ESR1: variants seen among roughly 807,000 people sequenced by gnomAD.
The protein encoded by ESR1 is estrogen receptor.
ESR1 carries 12 observed loss-of-function variants against 52.7 expected under a neutral mutation model. The ratio of observed to expected loss-of-function variants is 0.23; its 90% CI spans 0.15 to 0.37. ESR1 has a LOEUF of 0.37. Ranked by LOEUF, ESR1 falls within the 10% of genes least tolerant of loss-of-function variation. The pLI, the probability that ESR1 is intolerant of heterozygous loss-of-function variation, is 1.00. For missense variants in ESR1, 584 were observed against 779.7 expected (o/e 0.75, Z 2.99); for synonymous variants, 305 against 316.8 (o/e 0.96, Z 0.39).
chr6:152,124,062 G>A (rs151203147), intron 6 of ESR1, among the ~76,000 whole-genome samples: 2,257 of 152,308 alleles, frequency 0.015, 49 homozygotes, highest in African/African-American at 0.052. Context: ...AGTGGCTCCC[G>A]CCTGTAATCC....
intron 3 of ESR1, among the ~76,000 whole-genome samples, chr6:151,887,295 A>G (rs897306224): frequency 6.6e-6 from 1 of 152,002 alleles, no homozygotes; most frequent in South Asian, 2.1e-4. Flanking sequence ...TTAAGCAGTA[A>G]TCTAATCTAT....
intron 1 of ESR1, among the ~76,000 whole-genome samples, chr6:151,669,328 A>C (rs1185293333): frequency 6.6e-6 from 1 of 151,790 alleles, no homozygotes; most frequent in Non-Finnish European, 1.5e-5. Context: ...GAAGTACAGG[A>C]GGGGTGAATT....
intron 5 of ESR1, among the ~76,000 whole-genome samples, chr6:152,058,562 T>C (rs889646380): frequency 6.6e-6 from 1 of 152,204 alleles, no homozygotes; most frequent in African/African-American, 2.4e-5. Flanking sequence ...TTTCACTTTA[T>C]TTGGGAATAG....
At chr6:151,854,448 C>T (rs1787460826) in intron 2 of ESR1, among the ~76,000 whole-genome samples, 2 of 152,206 alleles carry the variant, frequency 1.3e-5, no homozygotes, top group South Asian at 4.1e-4. Flanking sequence ...AATAAAAAGA[C>T]ATTTCAGTTT....
upstream of ESR1, chr6:151,804,537 A>G (rs933365859): frequency 6.8e-6 from 1 of 148,032 alleles, no homozygotes; most frequent in African/African-American, 2.7e-5. Context: ...TTTATTTTCA[A>G]TACTGACTAT....
intron 4 of ESR1, among the ~76,000 whole-genome samples, chr6:151,956,509 AC>A (rs2036930006): frequency 6.6e-6 from 1 of 152,044 alleles, no homozygotes; most frequent in South Asian, 2.1e-4. Context: ...CAAGCATTTT[AC>A]CCCTGTTAAC....
At chr6:151,660,993 C>A (rs1428344426) in intron 1 of ESR1, among the ~76,000 whole-genome samples, 2 of 152,078 alleles carry the variant, frequency 1.3e-5, no homozygotes, top group Non-Finnish European at 2.9e-5. Context: ...AGCTTCCCAG[C>A]TGATTCTAAT....
intron 1 of ESR1, among the ~76,000 whole-genome samples, chr6:151,838,442 T>C (rs1243838966): frequency 6.6e-6 from 1 of 152,172 alleles, no homozygotes; most frequent in East Asian, 1.9e-4. Context: ...CCCACCCTTA[T>C]GGCCCAGACA....
At chr6:152,118,155 T>C (rs1376584548) in intron 6 of ESR1, 3 of 152,176 alleles carry the variant, frequency 2.0e-5, no homozygotes, top group East Asian at 1.9e-4. Context: ...AATTTGCTCA[T>C]AGAAAATAGA....
intron 4 of ESR1, among the ~76,000 whole-genome samples, chr6:151,987,354 G>A (rs1247794588): frequency 6.6e-6 from 1 of 152,054 alleles, no homozygotes; most frequent in Non-Finnish European, 1.5e-5. Flanking sequence ...TGCCTCCTGG[G>A]TTCAAGTGAT....
chr6:151,692,458 A>G (rs1242296116), intron 1 of ESR1, among the ~76,000 whole-genome samples: 1 of 152,136 alleles, frequency 6.6e-6, no homozygotes, highest in African/African-American at 2.4e-5. Flanking sequence ...CAGATTGGCT[A>G]TTCGGAAAAA....
intron 4 of ESR1, among the ~76,000 whole-genome samples, chr6:151,992,675 G>T (rs1358186493): frequency 6.6e-6 from 1 of 152,160 alleles, no homozygotes; most frequent in Non-Finnish European, 1.5e-5. Flanking sequence ...GGATGGAAAA[G>T]TGATACGTTT....
chr6:151,661,439 A>T (rs1404604104), intron 1 of ESR1, among the ~76,000 whole-genome samples: 1 of 152,238 alleles, frequency 6.6e-6, no homozygotes, highest in African/African-American at 2.4e-5. Context: ...AAGAAGTCCT[A>T]TGTCTTGTTT....
At chr6:151,949,147 A>G (rs79326901) in intron 4 of ESR1, among the ~76,000 whole-genome samples, 2,859 of 152,170 alleles carry the variant, frequency 0.019, 82 homozygotes, top group African/African-American at 0.065. Flanking sequence ...TCCATTTCCA[A>G]TCTCTCTTTT....
At chr6:152,035,626 G>A (rs1276096928) in intron 5 of ESR1, among the ~76,000 whole-genome samples, 4 of 152,154 alleles carry the variant, frequency 2.6e-5, no homozygotes, top group African/African-American at 7.2e-5. Flanking sequence ...GAAAATTAAA[G>A]TTGAGAGATG....
rs570799282 is a variant in ESR1, at chr6:151,880,266, T to A, written c.644-389T>A. Among the ~76,000 whole-genome samples, 600 of 136,026 alleles carry A rather than the reference T, an allele frequency of 4.4e-3. 1 individual carries two copies. The highest frequency in any genetic ancestry group is 0.014 in the Middle Eastern group (3 of 218). The allele number at this position is 136,026 out of a possible 152,430, so 89.2% of individuals were successfully genotyped here. ...GGCGCAATCTCGGCTCACTGCAACC[T>A]CCGCCTCCCGGGTTCAAGCGATTCT... On this transcript the variant is annotated intron_variant, in intron 2 of 7. Coordinates refer to ENST00000206249, the MANE Select transcript of ESR1 (RefSeq NM_000125.4).
At chr6:152,125,330 G>C in exon 7 of ESR1, 1 of 1,550,416 alleles carries the variant, frequency 6.4e-7, no homozygotes, top group Non-Finnish European at 8.7e-7. Flanking sequence ...TTGGAAACAA[G>C]TGGTTTCCTC....
At chr6:152,110,587 A>C (rs1455213857) in intron 6 of ESR1, among the ~76,000 whole-genome samples, 1 of 152,126 alleles carries the variant, frequency 6.6e-6, no homozygotes, top group Non-Finnish European at 1.5e-5. Context: ...ACTAGACTTA[A>C]TACCTGCGCG....
chr6:151,887,622 C>T (rs1409852871), intron 3 of ESR1, among the ~76,000 whole-genome samples: 2 of 152,088 alleles, frequency 1.3e-5, no homozygotes, highest in Non-Finnish European at 2.9e-5. Flanking sequence ...AGTTTGCAAG[C>T]CACTGATCTA....
Sources: gnomAD v4.1 joint callset for allele counts (sites outside exome capture counted in the v4.1 genomes callset) on GRCh38, gnomAD v4.1.1 for gene constraint, MANE v1.5 for transcripts, NCBI Gene and HGNC (gene_info 2026-07-23, HGNC 2026-07-21) for gene names.